Variants in HECW1 observed in about 807,000 individuals in gnomAD.
HECW1 encodes E3 ubiquitin-protein ligase HECW1.
Under a neutral mutation model 182.3 loss-of-function variants are expected in HECW1, and 61 were observed. That is an observed-to-expected ratio of 0.33 (90% CI 0.27 to 0.41). HECW1 has a LOEUF of 0.41. Ranked by LOEUF, HECW1 falls within the 10% of genes least tolerant of loss-of-function variation. The pLI, the probability that HECW1 is intolerant of heterozygous loss-of-function variation, is 1.00. For synonymous variants in HECW1, 859 were observed against 832.6 expected, an observed-to-expected ratio of 1.03 and a Z score of -0.55; for missense variants, 1,739 against 2,108.9, an observed-to-expected ratio of 0.82 and a Z score of 3.44.
rs1272735976 is a variant in HECW1 at position 43,445,102 on chromosome 7, G to A, written c.1930G>A (p.Ala644Thr). 12 of 1,605,878 alleles carry A rather than the reference G, an allele frequency of 7.5e-6. No individual in the cohort carries two copies. Among genetic ancestry groups the A allele is most frequent in the Middle Eastern group, 1.6e-4 (1 of 6,064 alleles). ...GGHFPSLANGAAQDGDTHPST... is the reference protein window; with the variant it reads ...GGHFPSLANGTAQDGDTHPST... ...CCACTTCCCCAGCCTGGCCAATGGC[G>A]CGGCCCAGGATGGCGACACGCACCC... is the stretch of plus-strand genomic sequence containing the variant. The change falls in exon 11 of 30, where the codon GCG becomes ACG. Residue 644 changes from alanine to threonine, a missense_variant. Transcript: ENST00000395891.
At position 43,315,507 on chromosome 7, in the gene HECW1, A is replaced by C. The variant is rs543001748; in HGVS notation, c.352+3420A>C. Among the ~76,000 whole-genome samples the C allele has an allele frequency of 5.3e-5, 8 of 150,928 alleles. No individual in the cohort carries two copies. The South Asian group carries it at 1.7e-3, about 32-fold the overall frequency. ...TATTATTATTATCATTATTACTATT[A>C]TTTTGAGATGGAATCTCGCTCTGTT... is the stretch of plus-strand genomic sequence containing the variant. On this transcript the variant is annotated intron_variant, in intron 4 of 29. Transcript: ENST00000395891.
intron 6 of HECW1, among the ~76,000 whole-genome samples, chr7:43,392,207 T>C (rs1375444501): frequency 6.6e-6 from 1 of 152,252 alleles, no homozygotes; most frequent in African/African-American, 2.4e-5. Flanking sequence ...TGCCTCATTG[T>C]CAATTTAATT....
chr7:43,318,409 AAGAC>A (rs1386447701), intron 4 of HECW1, among the ~76,000 whole-genome samples: 1 of 152,246 alleles, frequency 6.6e-6, no homozygotes, highest in East Asian at 1.9e-4. Context: ...TGTGAATAAA[AAGAC>A]AGGCAAATTT....
chr7:43,545,839 G>A (rs1219514469), intron 26 of HECW1, among the ~76,000 whole-genome samples: 1 of 151,878 alleles, frequency 6.6e-6, no homozygotes. Context: ...GGTGGAAGGG[G>A]GGCAGGAGAG....
chr7:43,285,824 A>G (rs1291422436), intron 3 of HECW1, among the ~76,000 whole-genome samples: 1 of 152,194 alleles, frequency 6.6e-6, no homozygotes, highest in African/African-American at 2.4e-5. Context: ...AAATAAAGAA[A>G]CTGAGTGGGC....
intron 17 of HECW1, among the ~76,000 whole-genome samples, chr7:43,488,476 G>GA (rs1231474935): frequency 1.8e-4 from 26 of 147,610 alleles, no homozygotes; most frequent in African/African-American, 6.5e-4. Flanking sequence ...AAGAAAGAAA[G>GA]AAAGAAAGAA....
At chr7:43,452,215 T>C (rs1313934626) in intron 12 of HECW1, among the ~76,000 whole-genome samples, 1 of 152,222 alleles carries the variant, frequency 6.6e-6, no homozygotes, top group Non-Finnish European at 1.5e-5. Context: ...CTAGGTAACA[T>C]TTATTTGAAA....
intron 24 of HECW1, among the ~76,000 whole-genome samples, chr7:43,525,582 A>G (rs1252915388): frequency 6.6e-6 from 1 of 152,240 alleles, no homozygotes; most frequent in Non-Finnish European, 1.5e-5. Context: ...AGCTGAAAAA[A>G]GTACTGCAAA....
At chr7:43,165,861 AT>A (rs1791060626) in intron 2 of HECW1, among the ~76,000 whole-genome samples, 1 of 152,204 alleles carries the variant, frequency 6.6e-6, no homozygotes, top group Admixed American at 6.5e-5. Context: ...GCCATCAGCC[AT>A]TTGCATGTGT....
chr7:43,177,117 C>G (rs1237029061), intron 2 of HECW1, among the ~76,000 whole-genome samples: 1 of 151,740 alleles, frequency 6.6e-6, no homozygotes, highest in Non-Finnish European at 1.5e-5. Flanking sequence ...TGCATATAAA[C>G]TTTTTTTTTC....
intron 12 of HECW1, 64 bp from the exon 13 acceptor site, chr7:43,456,233 T>C (rs1364235826): frequency 6.6e-7 from 1 of 1,506,026 alleles, no homozygotes; most frequent in East Asian, 2.3e-5. Context: ...GGAAGTTGTA[T>C]GTGTTTCACG....
intron 2 of HECW1, among the ~76,000 whole-genome samples, chr7:43,211,363 T>G (rs1375690164): frequency 6.6e-6 from 1 of 152,156 alleles, no homozygotes; most frequent in Non-Finnish European, 1.5e-5. Flanking sequence ...ACATCACCTT[T>G]CTCCTCCGTG....
At chr7:43,335,314 A>G (rs1177179789) in intron 5 of HECW1, among the ~76,000 whole-genome samples, 1 of 152,232 alleles carries the variant, frequency 6.6e-6, no homozygotes, top group African/African-American at 2.4e-5. Context: ...AACCAGTTAA[A>G]TGGAAGTCTA....
intron 7 of HECW1, among the ~76,000 whole-genome samples, chr7:43,403,916 A>G (rs2075514546): frequency 1.3e-5 from 2 of 152,360 alleles, no homozygotes; most frequent in African/African-American, 2.4e-5. Context: ...ATAAATGTAC[A>G]TATGTCTATC....
chr7:43,528,807 A>T (rs774434461), intron 24 of HECW1, among the ~76,000 whole-genome samples: 5 of 152,182 alleles, frequency 3.3e-5, no homozygotes, highest in African/African-American at 9.7e-5. Flanking sequence ...TCCTGTCATT[A>T]TCCTGTGTTG....
intron 8 of HECW1, among the ~76,000 whole-genome samples, chr7:43,426,193 A>G (rs574421253): frequency 6.6e-6 from 1 of 152,304 alleles, no homozygotes; most frequent in South Asian, 2.1e-4. Context: ...GTCACAGAAC[A>G]TCCTTTTACA....
intron 2 of HECW1, among the ~76,000 whole-genome samples, chr7:43,230,390 T>C (rs1348759573): frequency 6.6e-6 from 1 of 152,022 alleles, no homozygotes; most frequent in Non-Finnish European, 1.5e-5. Context: ...AGAGACTCTG[T>C]CTCAAAAATA....
chr7:43,255,947 T>C (rs1049869398), intron 3 of HECW1, among the ~76,000 whole-genome samples: 1 of 152,242 alleles, frequency 6.6e-6, no homozygotes, highest in Non-Finnish European at 1.5e-5. Context: ...TAAAAAGTTA[T>C]GTCATCTGCT....
rs576963116 is a variant in HECW1, at chr7:43,172,711, G to C, written c.-32+58320G>C. Reference sequence around the variant, plus strand: ...TTCTTAATTGGCACAGATCCCTAAAGGGAACAAATGTGACAATTAGAAGTC... The same window carrying C: ...TTCTTAATTGGCACAGATCCCTAAACGGAACAAATGTGACAATTAGAAGTC... On this transcript the variant is annotated intron_variant, in intron 2 of 29. Transcript: ENST00000395891. Among the ~76,000 whole-genome samples, 4 of 152,220 alleles carry C rather than the reference G, an allele frequency of 2.6e-5. No individual in the cohort carries two copies. The South Asian group carries it at 6.2e-4, about 24-fold the overall frequency.
Sources: allele counts gnomAD v4.1 joint callset (sites outside exome capture counted in the v4.1 genomes callset), GRCh38; gene constraint gnomAD v4.1.1; transcripts MANE v1.5; gene names NCBI Gene and HGNC (gene_info 2026-07-23, HGNC 2026-07-21).